The following UVRAG variants were observed in gnomAD, a reference collection of about 807,000 sequenced individuals.
The protein encoded by UVRAG is UV radiation resistance-associated gene protein.
Under a neutral mutation model 78.0 loss-of-function variants are expected in UVRAG, and 19 were observed. The observed-to-expected ratio is 0.24, with a 90% confidence interval of 0.17 to 0.36. UVRAG has a LOEUF of 0.36. Ranked by LOEUF, UVRAG falls within the 10% of genes least tolerant of loss-of-function variation. The probability of loss-of-function intolerance (pLI) is 1.00; values close to 1 mark genes in which losing one functional copy is unlikely to be tolerated. For synonymous variants in UVRAG, 323 were observed against 324.6 expected, an observed-to-expected ratio of 1.00 and a Z score of 0.05; for missense variants, 740 against 853.8, an observed-to-expected ratio of 0.87 and a Z score of 1.66.
intron 1 of UVRAG, among the ~76,000 whole-genome samples, chr11:75,822,760 G>C (rs10899134): frequency 0.15 from 22,624 of 151,738 alleles, 2,171 homozygotes; most frequent in African/African-American, 0.27. Flanking sequence ...AAGTGGCCCA[G>C]AGCTTTCATG....
chr11:76,126,177 G>A (rs917972322), intron 14 of UVRAG, among the ~76,000 whole-genome samples: 19 of 152,098 alleles, frequency 1.2e-4, no homozygotes, highest in African/African-American at 3.4e-4. Context: ...TCCTGACCTC[G>A]TGATCCACCT....
At chr11:76,055,800 C>T (rs1950971786) in intron 12 of UVRAG, among the ~76,000 whole-genome samples, 3 of 152,146 alleles carry the variant, frequency 2.0e-5, no homozygotes, top group Non-Finnish European at 4.4e-5. Flanking sequence ...AGCTCCGCCT[C>T]CCAGGTTCAT....
At chr11:76,129,330 C>T (rs1952471988) in intron 14 of UVRAG, among the ~76,000 whole-genome samples, 1 of 152,206 alleles carries the variant, frequency 6.6e-6, no homozygotes, top group Admixed American at 6.5e-5. Context: ...GTTATTACAG[C>T]CTTCTCCTGG....
intron 13 of UVRAG, among the ~76,000 whole-genome samples, chr11:76,115,049 G>T (rs983974793): frequency 1.3e-5 from 2 of 152,164 alleles, no homozygotes; most frequent in East Asian, 3.8e-4. Flanking sequence ...TGTTTGATGT[G>T]TGGATGAGCA....
At position 75,926,156 on chromosome 11, in the gene UVRAG, C is replaced by CT. The variant is rs775020358; in HGVS notation, c.593+14119dup. On this transcript the variant is annotated intron_variant, in intron 6 of 14. Transcript: ENST00000356136. ...CTTTCCTGGAGCCCTCCAGAGTGTG[C>CT]TTAATATACTCCTCACCTTGTGCCT... Among the ~76,000 whole-genome samples the CT allele has an allele frequency of 2.0e-4, 31 of 152,222 alleles. No individual in the cohort carries two copies. The East Asian group carries it at 4.1e-3, about 20-fold the overall frequency.
chr11:76,111,807 C>T (rs1351550896), intron 13 of UVRAG, among the ~76,000 whole-genome samples: 5 of 151,792 alleles, frequency 3.3e-5, no homozygotes, highest in Non-Finnish European at 5.9e-5. Context: ...ACTGCCAATG[C>T]ACAGACTTCC....
rs150042838 is a variant in UVRAG, at chr11:75,913,560, T to C, written c.593+1521T>C. Among the ~76,000 whole-genome samples, 789 of 152,340 alleles carry C rather than the reference T, an allele frequency of 5.2e-3. 10 individuals are homozygous for C. Among genetic ancestry groups the C allele is most frequent in the African/African-American group, 0.018 (762 of 41,568 alleles). ...TGTAATTTACAAGCATTTTCACATT[T>C]TTTATCTTATTCTCTTAGAAGTCCT... On this transcript the variant is annotated intron_variant, in intron 6 of 14. Transcript: ENST00000356136.
At chr11:76,076,451 C>T (rs1385405948) in intron 13 of UVRAG, among the ~76,000 whole-genome samples, 1 of 152,168 alleles carries the variant, frequency 6.6e-6, no homozygotes, top group Non-Finnish European at 1.5e-5. Flanking sequence ...TCTTGTGAGA[C>T]TTATTCACTA....
At chr11:75,817,372 C>A (rs570500932) in intron 1 of UVRAG, among the ~76,000 whole-genome samples, 1 of 152,268 alleles carries the variant, frequency 6.6e-6, no homozygotes, top group Admixed American at 6.5e-5. Flanking sequence ...AAAACTAATG[C>A]AAACAAACTG....
intron 5 of UVRAG, among the ~76,000 whole-genome samples, chr11:75,894,724 G>T (rs776460980): frequency 6.7e-6 from 1 of 150,308 alleles, no homozygotes; most frequent in Non-Finnish European, 1.5e-5. Context: ...AGCACTTTGG[G>T]AAGCTGAGGT....
chr11:75,822,012 T>G lies in UVRAG; in HGVS notation c.117+6488T>G, dbSNP rs144304585. 2.9e-3 allele frequency among the ~76,000 whole-genome samples: 429 copies of G among 150,274 alleles called. 1 individual carries two copies. Among genetic ancestry groups the G allele is most frequent in the Middle Eastern group, 0.01 (3 of 290 alleles). On this transcript the variant is annotated intron_variant, in intron 1 of 14. Coordinates refer to ENST00000356136, the MANE Select transcript of UVRAG (RefSeq NM_003369.4). ...CAGGCTGGAGTGCAATGGCACAATG[T>G]CAGCTCACTGCAACCTCTACCTCTC...
At chr11:75,968,152 T>C (rs1949060699) in intron 7 of UVRAG, among the ~76,000 whole-genome samples, 1 of 152,230 alleles carries the variant, frequency 6.6e-6, no homozygotes, top group Non-Finnish European at 1.5e-5. Context: ...TTTGGCATAT[T>C]CAACCTATAA....
intron 1 of UVRAG, among the ~76,000 whole-genome samples, chr11:75,825,507 A>G (rs1945492480): frequency 6.6e-6 from 1 of 152,216 alleles, no homozygotes; most frequent in South Asian, 2.1e-4. Context: ...TACACACAGA[A>G]TGGAAACTTG....
intron 12 of UVRAG, among the ~76,000 whole-genome samples, chr11:76,061,440 A>C (rs1054993241): frequency 6.6e-6 from 1 of 152,160 alleles, no homozygotes. Flanking sequence ...CACTCTGTGG[A>C]AGCTTTGTTG....
intron 13 of UVRAG, among the ~76,000 whole-genome samples, chr11:76,066,478 T>TG (rs2134383846): frequency 6.6e-6 from 1 of 152,168 alleles, no homozygotes; most frequent in Non-Finnish European, 1.5e-5. Context: ...TATTTTTTTT[T>TG]GTTTTTGTTT....
chr11:75,971,147 A>G (rs1949114586), intron 7 of UVRAG, among the ~76,000 whole-genome samples: 1 of 152,196 alleles, frequency 6.6e-6, no homozygotes, highest in Non-Finnish European at 1.5e-5. Context: ...ATTTAGCAAT[A>G]TGCATGTACA....
intron 6 of UVRAG, among the ~76,000 whole-genome samples, chr11:75,943,799 GTAT>G (rs1948532264): frequency 6.6e-6 from 1 of 152,104 alleles, no homozygotes; most frequent in Non-Finnish European, 1.5e-5. Flanking sequence ...ATAAGCAATA[GTAT>G]TGTCTTATTT....
intron 6 of UVRAG, among the ~76,000 whole-genome samples, chr11:75,955,970 CTT>C (rs767442582): frequency 2.0e-5 from 3 of 152,214 alleles, no homozygotes; most frequent in African/African-American, 4.8e-5. Flanking sequence ...CCCCACCACT[CTT>C]TTGATTTGTC....
chr11:75,908,711 G>GTTTTT (rs1591004196), intron 5 of UVRAG, among the ~76,000 whole-genome samples: 1 of 104,268 alleles, frequency 9.6e-6, no homozygotes, highest in African/African-American at 4.2e-5. Flanking sequence ...CTGGTTCTGG[G>GTTTTT]CTTTTTTTTT....
Sources: gnomAD v4.1 joint callset for allele counts (sites outside exome capture counted in the v4.1 genomes callset) on GRCh38, gnomAD v4.1.1 for gene constraint, MANE v1.5 for transcripts, NCBI Gene and HGNC (gene_info 2026-07-23, HGNC 2026-07-21) for gene names.